Variants in KCNN3 observed in about 807,000 individuals in gnomAD.
KCNN3 encodes potassium calcium-activated channel subfamily N member 3.
Under a neutral mutation model 62.9 loss-of-function variants are expected in KCNN3, and 16 were observed. The ratio of observed to expected loss-of-function variants is 0.25; its 90% CI spans 0.17 to 0.39. The LOEUF (loss-of-function observed/expected upper bound fraction) is 0.39, where lower values mean the gene tolerates loss of function less well. Among genes scored for constraint, KCNN3 ranks in the 10% least tolerant of loss-of-function variants. The pLI is 1.00. For missense variants in KCNN3, 599 were observed against 949.4 expected (o/e 0.63, Z 4.85); for synonymous variants, 370 against 389.2 (o/e 0.95, Z 0.58).
intron 2 of KCNN3, among the ~76,000 whole-genome samples, chr1:154,785,578 T>TTTTCTTTTC: frequency 7.4e-6 from 1 of 134,558 alleles, no homozygotes; most frequent in African/African-American, 2.8e-5. Flanking sequence ...TTTTCTTTTT[T>TTTTCTTTTC]TTTTTTTTTT....
At position 154,809,675 on chromosome 1, in the gene KCNN3, A is replaced by G. The variant is rs1286001199; in HGVS notation, c.1029+12414T>C. On this transcript the variant is annotated intron_variant, in intron 2 of 7. Coordinates refer to ENST00000271915, the MANE Select transcript of KCNN3 (RefSeq NM_002249.6). The surrounding 1 kb of genome is among the most constrained non-coding windows in gnomAD (Gnocchi z 4.3). ...GAGTGAGATGCTAAAAGGCCTGGAC[A>G]GACTAGAATGAAGGGCTGAAACAGC... 3.9e-5 allele frequency among the ~76,000 whole-genome samples: 6 copies of G among 152,236 alleles called. No homozygotes were observed. The highest frequency in any genetic ancestry group is 5.9e-5 in the Non-Finnish European group (4 of 68,040).
At chr1:154,718,728 A>G (rs960679819) in intron 5 of KCNN3, among the ~76,000 whole-genome samples, 2 of 152,242 alleles carry the variant, frequency 1.3e-5, no homozygotes, top group African/African-American at 4.8e-5. Context: ...ACAAGCGCTT[A>G]AAAAACCACA....
At chr1:154,823,245 C>G (rs1021036701) in intron 1 of KCNN3, among the ~76,000 whole-genome samples, 3 of 152,124 alleles carry the variant, frequency 2.0e-5, no homozygotes, top group African/African-American at 7.2e-5. Context: ...CAAAGGAAGG[C>G]GGGAACACAG....
chr1:154,824,724 G>A (rs1268249655), intron 1 of KCNN3, among the ~76,000 whole-genome samples: 2 of 152,218 alleles, frequency 1.3e-5, no homozygotes. Flanking sequence ...ATTGACATCA[G>A]AATCCAAGTC....
At chr1:154,852,906 G>A (rs1652362553) in intron 1 of KCNN3, among the ~76,000 whole-genome samples, 1 of 152,122 alleles carries the variant, frequency 6.6e-6, no homozygotes. Flanking sequence ...TCCCCCAGGT[G>A]GCTGGATCCC....
At chr1:154,822,268 G>A (rs1243987251) in intron 1 of KCNN3, 84 bp from the exon 2 acceptor site, 8 of 1,025,442 alleles carry the variant, frequency 7.8e-6, no homozygotes. Flanking sequence ...AAAAGAGAAG[G>A]GGTGGGGACA....
At chr1:154,713,272 GC>G (rs1434638398) in intron 7 of KCNN3, among the ~76,000 whole-genome samples, 191 bp downstream of exon 7, 2 of 152,158 alleles carry the variant, frequency 1.3e-5, no homozygotes, top group African/African-American at 4.8e-5. Flanking sequence ...AGTTTCAAAA[GC>G]CCACAAGACA....
At chr1:154,854,882 A>G (rs1254254700) in intron 1 of KCNN3, among the ~76,000 whole-genome samples, 1 of 152,208 alleles carries the variant, frequency 6.6e-6, no homozygotes, top group Non-Finnish European at 1.5e-5. Flanking sequence ...GCAATTGTAT[A>G]ATGTGTTTGT....
At chr1:154,793,162 A>C (rs1239654777) in intron 2 of KCNN3, among the ~76,000 whole-genome samples, 1 of 152,212 alleles carries the variant, frequency 6.6e-6, no homozygotes, top group Non-Finnish European at 1.5e-5. Context: ...ATCATGTGCC[A>C]AGTGAGGTGT....
intron 3 of KCNN3, among the ~76,000 whole-genome samples, chr1:154,764,063 C>G (rs1270727085): frequency 6.6e-6 from 1 of 152,094 alleles, no homozygotes; most frequent in Non-Finnish European, 1.5e-5. Context: ...AATCTTTGCT[C>G]TTCATTTATT....
intron 1 of KCNN3, among the ~76,000 whole-genome samples, chr1:154,841,055 G>A (rs888015662): frequency 6.6e-6 from 1 of 152,212 alleles, no homozygotes; most frequent in Non-Finnish European, 1.5e-5. Context: ...TCAGGACCCT[G>A]GGGCCTGTCA....
In KCNN3 at chr1:154,772,999, G is replaced by GTT. The variant is rs775811057; in HGVS notation, c.1030-608_1030-607dup. Among the ~76,000 whole-genome samples the GTT allele has an allele frequency of 2.6e-5, 4 of 152,108 alleles. No homozygotes were observed. The highest frequency in any genetic ancestry group is 4.4e-5 in the Non-Finnish European group (3 of 68,012). ...CTCCACAAAATCCCAAAAAGACAGT[G>GTT]TTTTGTTTTGTTTTTTTAACTTTTA... On this transcript the variant is annotated intron_variant, in intron 2 of 7. Coordinates refer to ENST00000271915, the MANE Select transcript of KCNN3 (RefSeq NM_002249.6). The surrounding 1 kb of genome is among the most constrained non-coding windows in gnomAD (Gnocchi z 5.6).
chr1:154,865,595 A>C (rs888441645), intron 1 of KCNN3, among the ~76,000 whole-genome samples: 2 of 152,126 alleles, frequency 1.3e-5, no homozygotes, highest in Non-Finnish European at 2.9e-5. Context: ...GGAGCTGGGG[A>C]TGTTCTGTCC....
At position 154,792,716 on chromosome 1, in the gene KCNN3, T is replaced by A. The variant is rs145188820; in HGVS notation, c.1030-20323A>T. On this transcript the variant is annotated intron_variant, in intron 2 of 7. Transcript: ENST00000271915. ...AGGGAAGATTCCTCCCAGGGAAATG[T>A]TTTCAAAATGAAATCTGGACCTATT... Among the ~76,000 whole-genome samples, 818 of 152,250 alleles carry A rather than the reference T, an allele frequency of 5.4e-3. 7 individuals are homozygous for A. Among genetic ancestry groups the A allele is most frequent in the African/African-American group, 0.019 (776 of 41,530 alleles).
chr1:154,780,295 C>T (rs2101849491), intron 2 of KCNN3, among the ~76,000 whole-genome samples: 1 of 112,610 alleles, frequency 8.9e-6, no homozygotes, highest in East Asian at 3.1e-4. Flanking sequence ...TGAGACCTTT[C>T]TGATTTTTTA....
intron 1 of KCNN3, among the ~76,000 whole-genome samples, chr1:154,864,012 C>T (rs1172553818): frequency 1.1e-4 from 17 of 152,196 alleles, no homozygotes; most frequent in Admixed American, 1.0e-3. Flanking sequence ...GGGCGGGTGG[C>T]GGAGAAGGCC....
chr1:154,750,192 C>G (rs990751803), intron 3 of KCNN3, among the ~76,000 whole-genome samples: 2 of 152,348 alleles, frequency 1.3e-5, no homozygotes, highest in East Asian at 3.9e-4. Context: ...ACTTTTCCCT[C>G]AGAAGGGCCT....
In KCNN3 at chr1:154,707,716, A is replaced by T. The variant is rs906316820; in HGVS notation, c.*260T>A. On this transcript the variant is annotated 3_prime_UTR_variant, in exon 8 of 8. Transcript: ENST00000271915. ...GATTTCTGTTCTCCACCAACTCTGC[A>T]GCAAGGGCCCTGCCAGAGGCGTCGC... 6.6e-6 allele frequency: 3 copies of T among 451,664 alleles called. No individual in the cohort carries two copies. The highest frequency in any genetic ancestry group is 1.2e-5 in the Non-Finnish European group (3 of 254,326). 28.0% of individuals were successfully genotyped at this position (451,664 alleles called of 1,614,324 possible). A position where few individuals can be genotyped will look rare whatever the true frequency, so the allele number is the denominator to read the frequency against.
rs1231125429 is a variant in KCNN3, at chr1:154,702,710, T to G, written c.*5266A>C. The G allele has an allele frequency of 1.8e-4, 16 of 89,786 alleles. No individual in the cohort carries two copies. Among genetic ancestry groups the G allele is most frequent in the African/African-American group, 7.8e-4 (13 of 16,626 alleles). 5.6% of individuals were successfully genotyped at this position (89,786 alleles called of 1,614,324 possible). A position where few individuals can be genotyped will look rare whatever the true frequency, so the allele number is the denominator to read the frequency against. On this transcript the variant is annotated 3_prime_UTR_variant, in exon 8 of 8. Coordinates refer to ENST00000271915, the MANE Select transcript of KCNN3 (RefSeq NM_002249.6). ...CTTCGATCTGATTCAGATATATATA[T>G]ATATATATATATATATATATATATA...
Sources: gnomAD v4.1 joint callset for allele counts (sites outside exome capture counted in the v4.1 genomes callset) on GRCh38, gnomAD v4.1.1 for gene constraint, Gnocchi (gnomAD v3.1) non-coding constraint, MANE v1.5 for transcripts, NCBI Gene and HGNC (gene_info 2026-07-23, HGNC 2026-07-21) for gene names.